ENOX1: variants seen among roughly 807,000 people sequenced by gnomAD.
ENOX1 encodes candidate growth-related and time keeping constitutive hydroquinone (NADH) oxidase.
ENOX1 carries 42 observed loss-of-function variants against 82.5 expected under a neutral mutation model. That is an observed-to-expected ratio of 0.51 (90% CI 0.40 to 0.66). ENOX1 has a LOEUF of 0.66. ENOX1 is among the 30% of genes least tolerant of loss of function. ENOX1 has a pLI of 0.00. For missense variants in ENOX1, 608 were observed against 811.6 expected, an observed-to-expected ratio of 0.75 and a Z score of 3.05; for synonymous variants, 271 against 282.2, an observed-to-expected ratio of 0.96 and a Z score of 0.40.
At chr13:43,514,443 T>C (rs937257606) in intron 2 of ENOX1, among the ~76,000 whole-genome samples, 45 of 152,296 alleles carry the variant, frequency 3.0e-4, no homozygotes, top group African/African-American at 1.0e-3. Context: ...TTCTTCTCTC[T>C]TGACTTTGGC....
At chr13:43,756,274 G>C (rs1443943136) in intron 1 of ENOX1, among the ~76,000 whole-genome samples, 2 of 151,926 alleles carry the variant, frequency 1.3e-5, no homozygotes, top group Admixed American at 6.6e-5. Flanking sequence ...ATGATATATA[G>C]AAATTAGCTA....
intron 11 of ENOX1, among the ~76,000 whole-genome samples, chr13:43,312,558 T>A (rs1475253366): frequency 6.6e-6 from 1 of 152,212 alleles, no homozygotes; most frequent in Non-Finnish European, 1.5e-5. Context: ...TGGGGACTTA[T>A]GAAATGGAAA....
intron 14 of ENOX1, among the ~76,000 whole-genome samples, chr13:43,263,514 G>A (rs927897027): frequency 6.6e-6 from 1 of 152,190 alleles, no homozygotes; most frequent in Non-Finnish European, 1.5e-5. Flanking sequence ...TTTTTCCATT[G>A]AATAATAAGT....
intron 2 of ENOX1, among the ~76,000 whole-genome samples, chr13:43,575,297 A>G (rs1400539150): frequency 6.6e-6 from 1 of 152,192 alleles, no homozygotes; most frequent in Admixed American, 6.5e-5. Flanking sequence ...TCCTCCTTGC[A>G]AAAGGAAGCA....
intron 3 of ENOX1, among the ~76,000 whole-genome samples, chr13:43,433,078 A>T (rs531994069): frequency 1.3e-5 from 2 of 152,240 alleles, no homozygotes; most frequent in African/African-American, 4.8e-5. Context: ...ATAACAGAAT[A>T]CCCGAGGCCA....
chr13:43,462,289 G>A (rs573530412), intron 3 of ENOX1, among the ~76,000 whole-genome samples: 3 of 152,268 alleles, frequency 2.0e-5, no homozygotes, highest in South Asian at 2.1e-4. Context: ...GAATTTCTGC[G>A]CCATTTGTCT....
intron 2 of ENOX1, among the ~76,000 whole-genome samples, chr13:43,486,325 A>T (rs1396325123): frequency 6.6e-6 from 1 of 152,148 alleles, no homozygotes; most frequent in Non-Finnish European, 1.5e-5. Flanking sequence ...TGGAGGCTGC[A>T]GTGAGCCAAG....
chr13:43,702,899 G>A (rs1005339222), intron 1 of ENOX1, among the ~76,000 whole-genome samples: 6 of 135,032 alleles, frequency 4.4e-5, no homozygotes, highest in African/African-American at 1.6e-4. Context: ...GCTGCAGTGA[G>A]CTGAGTTTGC....
intron 12 of ENOX1, among the ~76,000 whole-genome samples, chr13:43,285,255 G>A (rs949918290): frequency 6.6e-6 from 1 of 152,090 alleles, no homozygotes; most frequent in East Asian, 1.9e-4. Flanking sequence ...ACTAAGTTTG[G>A]CTGTTCTATT....
At chr13:43,243,135 C>CAA (rs748084568) in intron 14 of ENOX1, among the ~76,000 whole-genome samples, 878 of 81,150 alleles carry the variant, frequency 0.011, 25 homozygotes, top group East Asian at 0.017. Flanking sequence ...GACTCTGTCT[C>CAA]AAAAAAAAAA....
chr13:43,606,463 G>A (rs530489045), intron 2 of ENOX1, among the ~76,000 whole-genome samples: 1 of 152,276 alleles, frequency 6.6e-6, no homozygotes, highest in East Asian at 1.9e-4. Context: ...ATACTATTCA[G>A]CCATAAGAAA....
intron 9 of ENOX1, among the ~76,000 whole-genome samples, chr13:43,341,318 C>T (rs758974165): frequency 2.9e-4 from 44 of 151,228 alleles, no homozygotes; most frequent in Non-Finnish European, 4.7e-4. Context: ...GAGAGAGATG[C>T]AGTGATGGCA....
intron 2 of ENOX1, among the ~76,000 whole-genome samples, chr13:43,558,105 A>AGAGCT (rs2079522085): frequency 6.6e-6 from 1 of 152,200 alleles, no homozygotes; most frequent in Non-Finnish European, 1.5e-5. Context: ...GGTCATTCTG[A>AGAGCT]GAGCTGGGAA....
chr13:43,564,570 G>A (rs1331293986), intron 2 of ENOX1, among the ~76,000 whole-genome samples: 1 of 152,094 alleles, frequency 6.6e-6, no homozygotes, highest in Non-Finnish European at 1.5e-5. Context: ...CAGGGACAAT[G>A]AATAAACTAG....
At chr13:43,708,397 A>T (rs1451125758) in intron 1 of ENOX1, among the ~76,000 whole-genome samples, 1 of 152,174 alleles carries the variant, frequency 6.6e-6, no homozygotes, top group Non-Finnish European at 1.5e-5. Flanking sequence ...AGTGCACTTG[A>T]ATCTCTCAAG....
At chr13:43,693,264 T>C (rs930747704) in intron 1 of ENOX1, among the ~76,000 whole-genome samples, 1 of 152,120 alleles carries the variant, frequency 6.6e-6, no homozygotes, top group African/African-American at 2.4e-5. Context: ...TTAAAATTAT[T>C]ATGAACAATA....
intron 2 of ENOX1, among the ~76,000 whole-genome samples, chr13:43,586,219 T>C (rs1246022596): frequency 1.3e-5 from 2 of 152,198 alleles, no homozygotes; most frequent in East Asian, 3.8e-4. Context: ...CCAGAGGGTC[T>C]TTCTAAGACA....
chr13:43,364,176 A>G (rs1228554283), intron 5 of ENOX1, among the ~76,000 whole-genome samples: 2 of 152,218 alleles, frequency 1.3e-5, no homozygotes, highest in Non-Finnish European at 2.9e-5. Flanking sequence ...TCATTAAAGC[A>G]AACGCACAAA....
chr13:43,598,595 G>A (rs979700251), intron 2 of ENOX1, among the ~76,000 whole-genome samples: 22 of 148,458 alleles, frequency 1.5e-4, no homozygotes, highest in Non-Finnish European at 2.8e-4. Flanking sequence ...TCCAGTCTCT[G>A]CACATGCCTC....
Sources: gnomAD v4.1 joint callset for allele counts (sites outside exome capture counted in the v4.1 genomes callset) on GRCh38, gnomAD v4.1.1 for gene constraint, MANE v1.5 for transcripts, NCBI Gene and HGNC (gene_info 2026-07-23, HGNC 2026-07-21) for gene names.